The following SGO2 variants were observed in gnomAD, a reference collection of about 807,000 sequenced individuals.
SGO2 encodes the protein shugoshin-like 2.
In SGO2, 68 loss-of-function variants were observed where a neutral mutation model predicts 99.5. The observed-to-expected ratio is 0.68, with a 90% CI of 0.56 to 0.84. The LOEUF (loss-of-function observed/expected upper bound fraction) is 0.84, where lower values mean the gene tolerates loss of function less well. Among genes scored for constraint, SGO2 ranks in the 40% least tolerant of loss-of-function variants. The probability of loss-of-function intolerance (pLI) is 0.00; values close to 1 mark genes in which losing one functional copy is unlikely to be tolerated. For missense variants in SGO2, 1,350 were observed against 1,436.7 expected (o/e 0.94, Z 0.97); for synonymous variants, 457 against 487.1 (o/e 0.94, Z 0.81).
chr2:200,559,732 G>A (rs1559209847), intron 5 of SGO2, among the ~76,000 whole-genome samples: 2 of 151,794 alleles, frequency 1.3e-5, no homozygotes, highest in African/African-American at 2.4e-5. Context: ...CTAGATTCAC[G>A]GTTTTTGATA....
intron 5 of SGO2, among the ~76,000 whole-genome samples, chr2:200,544,032 T>C (rs916940533): frequency 9.2e-5 from 14 of 152,198 alleles, no homozygotes; most frequent in Admixed American, 3.3e-4. Flanking sequence ...TACCCAAGGA[T>C]AAAATATTAT....
At chr2:200,555,117 A>C (rs1371470595) in intron 5 of SGO2, among the ~76,000 whole-genome samples, 2 of 152,234 alleles carry the variant, frequency 1.3e-5, no homozygotes, top group African/African-American at 4.8e-5. Flanking sequence ...CCTCTCAACA[A>C]GGCAAAAAGA....
intron 4 of SGO2, among the ~76,000 whole-genome samples, chr2:200,540,116 A>G (rs894639761): frequency 1.3e-5 from 2 of 151,946 alleles, no homozygotes; most frequent in Non-Finnish European, 2.9e-5. Flanking sequence ...TGTTTTAAGC[A>G]TGTTAGTAAT....
chr2:200,574,728 C>G (rs1383514110), intron 7 of SGO2, among the ~76,000 whole-genome samples: 2 of 152,072 alleles, frequency 1.3e-5, no homozygotes, highest in Admixed American at 1.3e-4. Context: ...AAAAAATCAC[C>G]TGGGAGAACT....
intron 8 of SGO2, among the ~76,000 whole-genome samples, chr2:200,581,829 C>T (rs934876138): frequency 6.6e-6 from 1 of 152,284 alleles, no homozygotes; most frequent in Admixed American, 6.5e-5. Flanking sequence ...AAAATAGAAC[C>T]TTATTTCCTT....
chr2:200,536,279 G>T, intron 4 of SGO2, 137 bp downstream of exon 4: 1 of 469,342 alleles, frequency 2.1e-6, no homozygotes, highest in Non-Finnish European at 3.9e-6. Flanking sequence ...AGTTTTAACT[G>T]GCTAACAGCA....
intron 4 of SGO2, among the ~76,000 whole-genome samples, chr2:200,541,924 T>C (rs2031981143): frequency 6.6e-6 from 1 of 152,256 alleles, no homozygotes; most frequent in African/African-American, 2.4e-5. Flanking sequence ...TACTGTACTG[T>C]CTCAATTACT....
At chr2:200,532,711 A>G (rs1355338191) in intron 1 of SGO2, among the ~76,000 whole-genome samples, 1 of 152,100 alleles carries the variant, frequency 6.6e-6, no homozygotes, top group African/African-American at 2.4e-5. Context: ...GAGGGCAGAG[A>G]CCATATCCTG....
intron 5 of SGO2, among the ~76,000 whole-genome samples, chr2:200,554,728 C>T (rs1574856734): frequency 6.6e-6 from 1 of 152,290 alleles, no homozygotes; most frequent in East Asian, 1.9e-4. Context: ...GGCAAACACT[C>T]ACATTTGACA....
At position 200,532,440 on chromosome 2, in the gene SGO2, C is replaced by T. The variant is rs73044124; in HGVS notation, c.-2-534C>T. The stretch of plus-strand genomic sequence containing the variant: ...TTTCCTCTGCCCAGTCACAGTTAAT[C>T]GCTTCTCCTCTGCATTGTGTATTGT... On this transcript the variant is annotated intron_variant, in intron 1 of 8. Transcript: ENST00000357799. The T allele has an allele frequency of 6.2e-3, 6,070 of 984,744 alleles. 284 individuals are homozygous for T. The African/African-American group carries it at 0.099, about 16-fold the overall frequency. The allele number at this position is 984,744 out of a possible 1,614,324, so 61.0% of individuals were successfully genotyped here. A position where few individuals can be genotyped will look rare whatever the true frequency, so the allele number is the denominator to read the frequency against.
intron 1 of SGO2, among the ~76,000 whole-genome samples, chr2:200,530,872 G>C (rs1387296223): frequency 6.6e-6 from 1 of 152,208 alleles, no homozygotes; most frequent in Non-Finnish European, 1.5e-5. Flanking sequence ...CTAAGTGAAA[G>C]CCTGATTGAA....
intron 5 of SGO2, chr2:200,543,386 T>G (rs2106315487): frequency 6.6e-6 from 1 of 152,384 alleles, no homozygotes; most frequent in East Asian, 1.9e-4. Flanking sequence ...AATTTGATTA[T>G]AAGTTATAGA....
Position 200,571,266 on chromosome 2 carries a change from G to A in SGO2, c.920G>A (p.Cys307Tyr), listed in dbSNP as rs200281531. The change falls in exon 7 of 9, where the codon TGC becomes TAC. Residue 307 changes from cysteine (C) to tyrosine (Y), a missense_variant. Coordinates refer to ENST00000357799, the MANE Select transcript of SGO2 (RefSeq NM_152524.6). ...KQHISSPELN[C>Y]NNEINGHTNE... Reference sequence around the variant, plus strand: ...CACATTTCAAGTCCAGAATTAAATTGCAATAATGAGATAAATGGTCATACT... The same window carrying A: ...CACATTTCAAGTCCAGAATTAAATTACAATAATGAGATAAATGGTCATACT... 776 of 1,613,336 alleles carry A rather than the reference G, an allele frequency of 4.8e-4. No homozygotes were observed. Among genetic ancestry groups the A allele is most frequent in the Non-Finnish European group, 6.2e-4 (736 of 1,179,528 alleles).
chr2:200,554,367 C>T (rs1229634367), intron 5 of SGO2, among the ~76,000 whole-genome samples: 1 of 152,216 alleles, frequency 6.6e-6, no homozygotes, highest in Non-Finnish European at 1.5e-5. Context: ...ATGAACATTT[C>T]CACTCTCCAT....
intron 5 of SGO2, among the ~76,000 whole-genome samples, chr2:200,568,253 G>A (rs549896207): frequency 2.0e-4 from 31 of 152,156 alleles, no homozygotes; most frequent in Admixed American, 6.5e-4. Context: ...GGCCATTTGC[G>A]TATCAAGATC....
At chr2:200,551,910 T>C (rs947905266) in intron 5 of SGO2, among the ~76,000 whole-genome samples, 1 of 152,206 alleles carries the variant, frequency 6.6e-6, no homozygotes, top group Non-Finnish European at 1.5e-5. Context: ...TATTTGATAG[T>C]GTGAATCTCC....
At chr2:200,539,894 T>C (rs1023050398) in intron 4 of SGO2, among the ~76,000 whole-genome samples, 3 of 152,186 alleles carry the variant, frequency 2.0e-5, no homozygotes, top group African/African-American at 7.2e-5. Flanking sequence ...CCTCTGTTAT[T>C]TTTTTCAGTC....
intron 4 of SGO2, among the ~76,000 whole-genome samples, chr2:200,536,933 A>T (rs2031723465): frequency 6.6e-6 from 1 of 152,078 alleles, no homozygotes; most frequent in Admixed American, 6.5e-5. Context: ...CATGCAGGTG[A>T]TTGCTTTCAT....
At chr2:200,542,500 T>C in intron 4 of SGO2, 79 bp from the exon 5 acceptor site, 1 of 1,014,118 alleles carries the variant, frequency 9.9e-7, no homozygotes, top group Non-Finnish European at 1.5e-6. Flanking sequence ...TTAATGTCAT[T>C]GTATAATTTG....
Sources: allele counts gnomAD v4.1 joint callset (sites outside exome capture counted in the v4.1 genomes callset), GRCh38; gene constraint gnomAD v4.1.1; transcripts MANE v1.5; gene names NCBI Gene and HGNC (gene_info 2026-07-23, HGNC 2026-07-21).